Variants in KCNAB2 observed in about 807,000 individuals in gnomAD.
The protein encoded by KCNAB2 is voltage-gated potassium channel subunit beta-2.
In KCNAB2, 29 loss-of-function variants were observed where a neutral mutation model predicts 63.6. The observed-to-expected ratio is 0.46, with a 90% CI of 0.34 to 0.62. KCNAB2 has a LOEUF of 0.62. Among genes scored for constraint, KCNAB2 ranks in the 20% least tolerant of loss-of-function variants. KCNAB2 has a pLI of 0.01. For missense variants in KCNAB2, 359 were observed against 563.9 expected (o/e 0.64, Z 3.68); for synonymous variants, 222 against 224.2 (o/e 0.99, Z 0.09).
At position 6,051,645 on chromosome 1, in the gene KCNAB2, C is replaced by T. The variant is rs1661401210; in HGVS notation, c.109C>T (p.Leu37=). 1 of 1,534,362 alleles carries T rather than the reference C, an allele frequency of 6.5e-7. No individual in the cohort carries two copies. Among genetic ancestry groups the T allele is most frequent in the East Asian group, 2.4e-5 (1 of 40,918 alleles). Residue 37 remains leucine, a synonymous_variant, in exon 2 of 16, where the codon CTG becomes TTG. Coordinates refer to ENST00000378083, the MANE Select transcript of KCNAB2 (RefSeq NM_001199862.2). ...RQTDTLELQR[L]REVRAAAQAR... ...GACGGACACGCTGGAACTGCAGCGG[C>T]TGCGGGAGGTGCGGGCGGCTGCCCA... is the stretch of plus-strand genomic sequence containing the variant.
At chr1:6,053,274 A>G (rs896438708) in intron 2 of KCNAB2, among the ~76,000 whole-genome samples, 3 of 151,998 alleles carry the variant, frequency 2.0e-5, no homozygotes. Context: ...TTATTCAGTA[A>G]ATGTTTATTG....
At chr1:6,062,804 C>A (rs1422548129) in intron 2 of KCNAB2, among the ~76,000 whole-genome samples, 1 of 152,128 alleles carries the variant, frequency 6.6e-6, no homozygotes, top group Non-Finnish European at 1.5e-5. Context: ...ATGGGAACAG[C>A]TTTATTGAAA....
chr1:6,089,636 G>A (rs140561353), intron 8 of KCNAB2, among the ~76,000 whole-genome samples: 22 of 152,332 alleles, frequency 1.4e-4, no homozygotes, highest in Admixed American at 6.5e-4. Context: ...TCACTCTGCC[G>A]GCTGTGTGTC....
rs534982806 is a variant in KCNAB2 at position 6,086,384 on chromosome 1, G to A, written c.426-1083G>A. 2.6e-5 allele frequency: 26 copies of A among 985,266 alleles called. No homozygotes were observed. The South Asian group carries it at 4.7e-4, about 18-fold the overall frequency. 61.0% of individuals were successfully genotyped at this position (985,266 alleles called of 1,614,324 possible). On this transcript the variant is annotated intron_variant, in intron 6 of 15. Transcript: ENST00000378083. This position sits in a 1 kb window ranked among gnomAD's most constrained non-coding sequence, Gnocchi z 4.2. ...ACGTATTAGCAAATCCCCTGATCAC[G>A]TCTTTGGCGAATGTGCATGGAGGTG...
intron 1 of KCNAB2, among the ~76,000 whole-genome samples, chr1:6,038,213 C>T (rs544249192): frequency 1.2e-3 from 175 of 152,106 alleles, no homozygotes; most frequent in African/African-American, 4.0e-3. Context: ...TCCAGGGGAT[C>T]GTCACCAAGC....
In KCNAB2 at chr1:6,098,606, C is replaced by T. The variant is rs367550519; in HGVS notation, c.*32C>T. The T allele has an allele frequency of 1.4e-5, 22 of 1,609,128 alleles. No individual in the cohort carries two copies. In the East Asian group the frequency reaches 3.3e-4, roughly 24 times the overall value. ...CCCGCCCGCCTGCTCGGACAGTTTCCGTTCCCTCCTAGTCTCTGTTCGCTC... is the reference window on the plus strand; with the variant it reads ...CCCGCCCGCCTGCTCGGACAGTTTCTGTTCCCTCCTAGTCTCTGTTCGCTC... On this transcript the variant is annotated 3_prime_UTR_variant, in exon 16 of 16. Coordinates refer to ENST00000378083, the MANE Select transcript of KCNAB2 (RefSeq NM_001199862.2).
Position 6,003,523 on chromosome 1 carries a change from A to G in KCNAB2, c.-53+10735A>G, listed in dbSNP as rs866692839. Among the ~76,000 whole-genome samples, 6 of 152,192 alleles carry G rather than the reference A, an allele frequency of 3.9e-5. No homozygotes were observed. Among genetic ancestry groups the G allele is most frequent in the African/African-American group, 7.2e-5 (3 of 41,428 alleles). ...CCACATTATACCCTCCCGTTTGTCT[A>G]TAGTTCACTTAAACATTATTTCCTG... On this transcript the variant is annotated intron_variant, in intron 1 of 16. Transcript: ENST00000341524. The surrounding 1 kb of genome is among the most constrained non-coding windows in gnomAD (Gnocchi z 4.1).
chr1:6,099,167 C>G lies in KCNAB2; in HGVS notation c.*593C>G, dbSNP rs1180326785. 2 of 153,044 alleles carry G rather than the reference C, an allele frequency of 1.3e-5. No individual in the cohort carries two copies. Among genetic ancestry groups the G allele is most frequent in the African/African-American group, 4.8e-5 (2 of 41,478 alleles). The allele number at this position is 153,044 out of a possible 1,614,324, so 9.5% of individuals were successfully genotyped here. ...CCACAGATTCCTCTCCCATCCTTTT[C>G]TGCTCCAACCTGCCCCACTGGGTCC... On this transcript the variant is annotated 3_prime_UTR_variant, in exon 16 of 16. Coordinates refer to ENST00000378083, the MANE Select transcript of KCNAB2 (RefSeq NM_001199862.2).
At chr1:6,053,187 C>A (rs912191373) in intron 2 of KCNAB2, among the ~76,000 whole-genome samples, 3 of 152,114 alleles carry the variant, frequency 2.0e-5, no homozygotes, top group African/African-American at 7.2e-5. Context: ...CCACAGCTGA[C>A]CTCCTTGTTC....
chr1:6,073,662 G>A lies in KCNAB2; in HGVS notation c.263-71G>A. On this transcript the variant is annotated intron_variant, in intron 3 of 15. Coordinates refer to ENST00000378083, the MANE Select transcript of KCNAB2 (RefSeq NM_001199862.2). The surrounding 1 kb of genome is among the most constrained non-coding windows in gnomAD (Gnocchi z 5.7). ...CTGCCCCCTGTGCCCTACAGCCTGA[G>A]GTCTGAGCACCGACGGGATAATCTG... is the stretch of plus-strand genomic sequence containing the variant. The A allele has an allele frequency of 1.4e-6, 2 of 1,475,940 alleles. No homozygotes were observed. The highest frequency in any genetic ancestry group is 1.9e-6 in the Non-Finnish European group (2 of 1,054,430). The allele number at this position is 1,475,940 out of a possible 1,614,324, so 91.4% of individuals were successfully genotyped here.
At chr1:5,996,857 G>A (rs546142999) in intron 1 of KCNAB2, among the ~76,000 whole-genome samples, 19 of 152,234 alleles carry the variant, frequency 1.2e-4, no homozygotes, top group African/African-American at 3.9e-4. Context: ...CTCAGACCCC[G>A]CACCAGATTC....
chr1:6,019,588 G>A (rs867808680), intron 1 of KCNAB2, among the ~76,000 whole-genome samples: 1 of 152,226 alleles, frequency 6.6e-6, no homozygotes, highest in Non-Finnish European at 1.5e-5. Context: ...GTTGGGCACT[G>A]GAGCACCGGA....
rs1571027458 is a variant in KCNAB2 at position 6,072,910 on chromosome 1, C to T, written c.262+112C>T. 2.3e-5 allele frequency: 22 copies of T among 959,164 alleles called. No individual in the cohort carries two copies. The East Asian group carries it at 5.2e-4, about 23-fold the overall frequency. The allele number at this position is 959,164 out of a possible 1,614,324, so 59.4% of individuals were successfully genotyped here. On this transcript the variant is annotated intron_variant, in intron 3 of 15. Transcript: ENST00000378083. ...CAGGGTGGCCCAAACCTTGGCACTC[C>T]CCAGGGAGTAGCTGCACCCAGAGCC...
intron 15 of KCNAB2, chr1:6,098,199 TG>T (rs1665810081): frequency 8.6e-7 from 1 of 1,166,692 alleles, no homozygotes; most frequent in Non-Finnish European, 1.1e-6. Context: ...GCATTTGGCC[TG>T]GAGTTTCCAT....
chr1:6,018,501 T>A (rs1658643375), intron 1 of KCNAB2: 1 of 152,342 alleles, frequency 6.6e-6, no homozygotes, highest in African/African-American at 2.4e-5. Context: ...TGGAGTGCAG[T>A]GGAGTGATCA....
intron 2 of KCNAB2, among the ~76,000 whole-genome samples, chr1:6,056,678 C>T (rs947089543): frequency 2.0e-5 from 3 of 152,212 alleles, no homozygotes; most frequent in African/African-American, 4.8e-5. Context: ...GGTTTCAACT[C>T]GGACCCCTCT....
Position 6,099,879 on chromosome 1 carries a change from G to T in KCNAB2, c.*1305G>T. On this transcript the variant is annotated 3_prime_UTR_variant, in exon 16 of 16. Transcript: ENST00000378083. The stretch of plus-strand genomic sequence containing the variant: ...GTGACGCCCCCGTGCAGCTTGGGCC[G>T]GAGGGCAAGGGATGCCAGTAAGTCT... 6.5e-7 allele frequency: 1 copy of T among 1,550,064 alleles called. No individual in the cohort carries two copies.
intron 2 of KCNAB2, among the ~76,000 whole-genome samples, chr1:6,066,785 C>G (rs992700363): frequency 2.6e-5 from 4 of 152,262 alleles, no homozygotes; most frequent in Non-Finnish European, 5.9e-5. Context: ...CCTCCTCCAC[C>G]TGAGCCAGGC....
rs1044652541 is a variant in KCNAB2 at position 6,028,429 on chromosome 1, G to A, written c.-52-12088G>A. On this transcript the variant is annotated intron_variant, in intron 1 of 16. Coordinates refer to the KCNAB2 transcript ENST00000341524. The surrounding 1 kb of genome is among the most constrained non-coding windows in gnomAD (Gnocchi z 4.0). Reference sequence around the variant, plus strand: ...GGGCTTGGCAGGGGGGACCTCCGGGGTTCCAGAAGCAACATGCAAAATAAC... The same window carrying A: ...GGGCTTGGCAGGGGGGACCTCCGGGATTCCAGAAGCAACATGCAAAATAAC... 2.6e-5 allele frequency among the ~76,000 whole-genome samples: 4 copies of A among 152,214 alleles called. No homozygotes were observed. Among genetic ancestry groups the A allele is most frequent in the South Asian group, 2.1e-4 (1 of 4,834 alleles).
Sources: allele counts gnomAD v4.1 joint callset (sites outside exome capture counted in the v4.1 genomes callset), GRCh38; gene constraint gnomAD v4.1.1; non-coding constraint Gnocchi (gnomAD v3.1); transcripts MANE v1.5; gene names NCBI Gene and HGNC (gene_info 2026-07-23, HGNC 2026-07-21).